NCKAP5: variants seen among roughly 807,000 people sequenced by gnomAD.
NCKAP5 encodes the protein NCK associated protein 5.
In NCKAP5, 92 loss-of-function variants were observed where a neutral mutation model predicts 167.0. That is an observed-to-expected ratio of 0.55 (90% CI 0.47 to 0.66). The LOEUF is 0.66. NCKAP5 is among the 30% of genes least tolerant of loss of function. The pLI is 0.00. For synonymous variants in NCKAP5, 891 were observed against 877.4 expected (o/e 1.02, Z -0.27); for missense variants, 2,378 against 2,315.0 (o/e 1.03, Z -0.56).
the NCKAP5 span, among the ~76,000 whole-genome samples, chr2:133,647,919 G>A: frequency 6.6e-6 from 1 of 151,996 alleles, no homozygotes; most frequent in South Asian, 2.1e-4. Flanking sequence ...AAATGGATTA[G>A]ACACCCCAAT....
intron 2 of NCKAP5, among the ~76,000 whole-genome samples, chr2:133,526,697 C>T (rs1684953485): frequency 1.3e-5 from 2 of 152,130 alleles, no homozygotes; most frequent in African/African-American, 2.4e-5. Flanking sequence ...AAGATCTCCC[C>T]CTGCACCACC....
At chr2:133,072,174 T>G (rs1202721271) in intron 6 of NCKAP5, among the ~76,000 whole-genome samples, 1 of 151,712 alleles carries the variant, frequency 6.6e-6, no homozygotes, top group Non-Finnish European at 1.5e-5. Context: ...AACCTCTGCC[T>G]CCTCTGTTCA....
chr2:133,572,588 T>C (rs1467990490), upstream of NCKAP5, among the ~76,000 whole-genome samples: 2 of 152,214 alleles, frequency 1.3e-5, no homozygotes, highest in Non-Finnish European at 2.9e-5. Flanking sequence ...TGCTTCCCTT[T>C]GCACTGAGCC....
chr2:133,357,314 C>CAT (rs935690338), intron 3 of NCKAP5, among the ~76,000 whole-genome samples: 1 of 151,554 alleles, frequency 6.6e-6, no homozygotes, highest in Admixed American at 6.6e-5. Context: ...CACACACACA[C>CAT]ACACACACAC....
intron 11 of NCKAP5, among the ~76,000 whole-genome samples, chr2:132,832,157 C>G (rs1286410222): frequency 6.6e-6 from 1 of 152,086 alleles, no homozygotes; most frequent in Admixed American, 6.5e-5. Flanking sequence ...TGTAAAATAG[C>G]ATGATGGGAT....
intron 3 of NCKAP5, among the ~76,000 whole-genome samples, chr2:133,401,677 A>G (rs1049365316): frequency 6.6e-6 from 1 of 152,336 alleles, no homozygotes; most frequent in African/African-American, 2.4e-5. Flanking sequence ...ATTATGGAGT[A>G]AAAGTAGCAC....
At chr2:132,838,358 G>A (rs1334003150) in intron 11 of NCKAP5, among the ~76,000 whole-genome samples, 13 of 152,242 alleles carry the variant, frequency 8.5e-5, no homozygotes, top group African/African-American at 1.4e-4. Flanking sequence ...GGGGCCGGGC[G>A]CGGTGGTTCA....
At chr2:133,440,902 T>G (rs188456507) in intron 3 of NCKAP5, among the ~76,000 whole-genome samples, 11 of 152,110 alleles carry the variant, frequency 7.2e-5, no homozygotes, top group African/African-American at 2.7e-4. Flanking sequence ...AGACAAAGAT[T>G]TAGCTTCAGT....
chr2:133,671,236 A>AAAAG, the NCKAP5 span, among the ~76,000 whole-genome samples: 11 of 150,772 alleles, frequency 7.3e-5, no homozygotes, highest in Non-Finnish European at 1.3e-4. Flanking sequence ...AAAAAAAAAA[A>AAAAG]AAAGAAAGAA....
intron 9 of NCKAP5, among the ~76,000 whole-genome samples, chr2:132,875,086 T>C (rs1044666580): frequency 2.0e-5 from 3 of 152,088 alleles, no homozygotes; most frequent in African/African-American, 7.2e-5. Context: ...CAGCACAGCA[T>C]TCAGATAATC....
chr2:133,332,374 C>T (rs1037902440), intron 3 of NCKAP5, among the ~76,000 whole-genome samples: 2 of 152,136 alleles, frequency 1.3e-5, no homozygotes, highest in Non-Finnish European at 2.9e-5. Context: ...GAATTAGGTT[C>T]ACTACCTCAT....
chr2:133,003,608 T>C (rs2149339618), intron 6 of NCKAP5, among the ~76,000 whole-genome samples: 1 of 152,282 alleles, frequency 6.6e-6, no homozygotes, highest in South Asian at 2.1e-4. Flanking sequence ...AAATCTACAG[T>C]GAACATAACT....
chr2:133,666,346 C>T, the NCKAP5 span, among the ~76,000 whole-genome samples: 18 of 151,844 alleles, frequency 1.2e-4, no homozygotes, highest in Non-Finnish European at 1.0e-4. Context: ...TACAGGCAGC[C>T]ACCACCATGC....
chr2:132,991,455 A>C lies in NCKAP5; in HGVS notation c.429+2697T>G, dbSNP rs1262691511. Among the ~76,000 whole-genome samples the C allele has an allele frequency of 4.6e-5, 7 of 152,214 alleles. No individual in the cohort carries two copies. In the South Asian group the frequency reaches 6.2e-4, roughly 14 times the overall value. Reference sequence around the variant, plus strand: ...CCGTCTCAGTTGCTGAACAGAAAACACCCATTGTCCTTTGAGAGAATCCAT... The same window carrying C: ...CCGTCTCAGTTGCTGAACAGAAAACCCCCATTGTCCTTTGAGAGAATCCAT... On this transcript the variant is annotated intron_variant, in intron 7 of 19. Transcript: ENST00000409261.
chr2:132,953,642 G>C (rs1226626592), intron 8 of NCKAP5, among the ~76,000 whole-genome samples: 1 of 151,562 alleles, frequency 6.6e-6, no homozygotes, highest in Non-Finnish European at 1.5e-5. Context: ...AGAGAAGACA[G>C]ACAGGCAGAC....
chr2:132,897,833 A>G (rs1004229366), intron 8 of NCKAP5, among the ~76,000 whole-genome samples: 65 of 152,372 alleles, frequency 4.3e-4, no homozygotes, highest in African/African-American at 1.4e-3. Context: ...TTGCTAAAAA[A>G]TGCTAACGAT....
At chr2:133,373,402 G>GA (rs1362037265) in intron 3 of NCKAP5, among the ~76,000 whole-genome samples, 1 of 152,042 alleles carries the variant, frequency 6.6e-6, no homozygotes. Flanking sequence ...CAACTCTGAT[G>GA]AAAAAAATCA....
At chr2:133,394,535 T>G (rs1291548152) in intron 3 of NCKAP5, among the ~76,000 whole-genome samples, 1 of 152,230 alleles carries the variant, frequency 6.6e-6, no homozygotes, top group South Asian at 2.1e-4. Flanking sequence ...GATTAAAGTC[T>G]AGGTTGTAGT....
the NCKAP5 span, among the ~76,000 whole-genome samples, chr2:133,596,889 G>C: frequency 6.6e-6 from 1 of 152,240 alleles, no homozygotes; most frequent in Admixed American, 6.5e-5. Context: ...TCTCAGACCA[G>C]TGAGAATTCC....
Sources: allele counts gnomAD v4.1 joint callset (sites outside exome capture counted in the v4.1 genomes callset), GRCh38; gene constraint gnomAD v4.1.1; transcripts MANE v1.5; gene names NCBI Gene and HGNC (gene_info 2026-07-23, HGNC 2026-07-21).